The following MCC variants were observed in gnomAD, a reference collection of about 807,000 sequenced individuals.
MCC encodes the protein MCC regulator of Wnt signaling pathway, also known as colorectal mutant cancer protein.
A neutral mutation model predicts 116.2 loss-of-function variants in MCC; 90 were observed. The ratio of observed to expected loss-of-function variants is 0.77; its 90% CI spans 0.65 to 0.92. MCC has a LOEUF of 0.92. Ranked by LOEUF, MCC falls within the 40% of genes least tolerant of loss-of-function variation. MCC has a pLI of 0.00. For missense variants in MCC, 1,516 were observed against 1,312.2 expected (o/e 1.16, Z -2.40); for synonymous variants, 578 against 510.5 (o/e 1.13, Z -1.78).
At chr5:113,101,610 G>T in intron 8 of MCC, 129 bp downstream of exon 8, 1 of 886,344 alleles carries the variant, frequency 1.1e-6, no homozygotes, top group Non-Finnish European at 1.8e-6. Context: ...CTTCATAACA[G>T]GAAAGAGACA....
chr5:113,124,955 G>A (rs1757959452), intron 5 of MCC, among the ~76,000 whole-genome samples: 1 of 152,226 alleles, frequency 6.6e-6, no homozygotes, highest in South Asian at 2.1e-4. Context: ...CAGCGCTCAA[G>A]ATCAGTTAGG....
intron 3 of MCC, among the ~76,000 whole-genome samples, chr5:113,223,215 CA>C (rs1763615968): frequency 6.6e-6 from 1 of 152,182 alleles, no homozygotes; most frequent in South Asian, 2.1e-4. Flanking sequence ...GTGCCTAGGG[CA>C]GGGCAATGAG....
At chr5:113,201,801 C>T (rs1431424625) in intron 3 of MCC, among the ~76,000 whole-genome samples, 2 of 152,090 alleles carry the variant, frequency 1.3e-5, no homozygotes, top group Non-Finnish European at 2.9e-5. Flanking sequence ...TCTTATTCTG[C>T]TAGAGGGCTA....
intron 17 of MCC, among the ~76,000 whole-genome samples, chr5:113,040,499 T>C (rs1580899774): frequency 6.6e-6 from 1 of 152,286 alleles, no homozygotes; most frequent in Admixed American, 6.5e-5. Flanking sequence ...CTGCTGAAAA[T>C]GCTGGTAAGA....
intron 3 of MCC, among the ~76,000 whole-genome samples, chr5:113,182,806 G>T (rs531416094): frequency 6.6e-6 from 1 of 152,160 alleles, no homozygotes; most frequent in Non-Finnish European, 1.5e-5. Context: ...CAATGCATGC[G>T]CATCCAATGA....
intron 1 of MCC, among the ~76,000 whole-genome samples, chr5:113,409,958 G>A (rs1769933994): frequency 6.6e-6 from 1 of 152,114 alleles, no homozygotes; most frequent in Non-Finnish European, 1.5e-5. Flanking sequence ...TTAAAAACTT[G>A]TATATTCTTA....
chr5:113,111,407 ATG>A (rs1218436953), intron 6 of MCC, among the ~76,000 whole-genome samples: 2 of 152,202 alleles, frequency 1.3e-5, no homozygotes, highest in Admixed American at 1.3e-4. Context: ...GAGACAATGA[ATG>A]TGTGTGCCCT....
Position 113,340,624 on chromosome 5 carries a change from A to G in MCC, c.522T>C (p.Tyr174=), listed in dbSNP as rs201272178. The G allele has an allele frequency of 2.5e-6, 4 of 1,614,158 alleles. No individual in the cohort carries two copies. The highest frequency in any genetic ancestry group is 3.4e-6 in the Non-Finnish European group (4 of 1,180,012). Residue 174 remains tyrosine, a synonymous_variant, in exon 3 of 19, where the codon TAT becomes TAC. Coordinates refer to ENST00000408903, the MANE Select transcript of MCC (RefSeq NM_001085377.2). ...SQSALQKLLE[Y]GGSSLHQQAA... ...CCTGCTGATGCAAAGAGCTTCCGCC[A>G]TACTCGAGCAGCTTCTGGAGGGCTG...
intron 3 of MCC, among the ~76,000 whole-genome samples, chr5:113,325,493 T>C (rs1041650900): frequency 2.0e-5 from 3 of 151,608 alleles, no homozygotes; most frequent in African/African-American, 4.9e-5. Flanking sequence ...TCATGGACAG[T>C]AGCCACTCTT....
chr5:113,113,840 G>C (rs1279612164), intron 6 of MCC, among the ~76,000 whole-genome samples: 1 of 152,012 alleles, frequency 6.6e-6, no homozygotes, highest in African/African-American at 2.4e-5. Flanking sequence ...CAAAAGACAT[G>C]AAAACTAAAT....
intron 12 of MCC, among the ~76,000 whole-genome samples, chr5:113,070,760 G>C (rs6866566): frequency 0.34 from 51,545 of 151,948 alleles, 8,743 homozygotes; most frequent in Middle Eastern, 0.39. Flanking sequence ...TGAAGAACTA[G>C]AATGCACTAG....
intron 16 of MCC, among the ~76,000 whole-genome samples, chr5:113,046,949 A>G (rs190521715): frequency 4.6e-5 from 7 of 152,210 alleles, no homozygotes; most frequent in Admixed American, 2.0e-4. Flanking sequence ...GGCCCTCAAG[A>G]TAACTCCAGC....
At chr5:113,454,925 T>C (rs1771502150) in intron 1 of MCC, among the ~76,000 whole-genome samples, 1 of 152,124 alleles carries the variant, frequency 6.6e-6, no homozygotes, top group African/African-American at 2.4e-5. Flanking sequence ...CTGAAATGAA[T>C]AATTGCAGCT....
intron 2 of MCC, among the ~76,000 whole-genome samples, chr5:113,350,784 T>C (rs1768248192): frequency 6.6e-6 from 1 of 151,944 alleles, no homozygotes; most frequent in Non-Finnish European, 1.5e-5. Context: ...AAACTACCCA[T>C]TTGACAAGAG....
chr5:113,367,496 T>G (rs1031413376), intron 2 of MCC, among the ~76,000 whole-genome samples: 4 of 152,012 alleles, frequency 2.6e-5, no homozygotes, highest in Non-Finnish European at 5.9e-5. Context: ...CTGTTTTCAT[T>G]CTCTTTCATG....
intron 1 of MCC, chr5:113,433,333 G>T: frequency 2.9e-6 from 1 of 344,076 alleles, no homozygotes; most frequent in Non-Finnish European, 5.7e-6. Flanking sequence ...CCTCCCAGCA[G>T]GGTCACGCAA....
chr5:113,158,047 C>A (rs1254501285), intron 3 of MCC, among the ~76,000 whole-genome samples: 1 of 152,214 alleles, frequency 6.6e-6, no homozygotes, highest in Non-Finnish European at 1.5e-5. Context: ...AAGGAAGGAG[C>A]CCTTCCCCAG....
chr5:113,136,471 T>C (rs564733739), intron 5 of MCC, among the ~76,000 whole-genome samples: 13 of 152,206 alleles, frequency 8.5e-5, no homozygotes, highest in Non-Finnish European at 1.6e-4. Context: ...TGAGTAATCG[T>C]AGCTCTCCTG....
chr5:113,236,800 T>A (rs989440551), intron 3 of MCC, among the ~76,000 whole-genome samples: 5 of 152,096 alleles, frequency 3.3e-5, no homozygotes, highest in African/African-American at 1.2e-4. Context: ...ACTGATCGGA[T>A]GTTTGTTCAG....
Sources: gnomAD v4.1 joint callset for allele counts (sites outside exome capture counted in the v4.1 genomes callset) on GRCh38, gnomAD v4.1.1 for gene constraint, MANE v1.5 for transcripts, NCBI Gene and HGNC (gene_info 2026-07-23, HGNC 2026-07-21) for gene names.